Variants in CACNB2 observed in about 807,000 individuals in gnomAD.
CACNB2 encodes voltage-dependent L-type calcium channel subunit beta-2.
CACNB2 carries 42 observed loss-of-function variants against 73.3 expected under a neutral mutation model. That is an observed-to-expected ratio of 0.57 (90% confidence interval 0.45 to 0.74). The LOEUF (loss-of-function observed/expected upper bound fraction) is 0.74, where lower values mean the gene tolerates loss of function less well. Ranked by LOEUF, CACNB2 falls within the 30% of genes least tolerant of loss-of-function variation. CACNB2 has a pLI of 0.00. For synonymous variants in CACNB2, 348 were observed against 310.3 expected (o/e 1.12, Z -1.28); for missense variants, 940 against 853.0 (o/e 1.10, Z -1.27).
At chr10:18,484,397 G>GA (rs57334163) in intron 3 of CACNB2, among the ~76,000 whole-genome samples, 9 of 146,746 alleles carry the variant, frequency 6.1e-5, no homozygotes, top group African/African-American at 1.8e-4. Flanking sequence ...CTGTCTCAAA[G>GA]AAAAAAAAAA....
rs370564617 is a variant in CACNB2 at position 18,534,189 on chromosome 10, G to A, written c.1168G>A (p.Ala390Thr). 23 of 1,613,414 alleles carry A rather than the reference G, an allele frequency of 1.4e-5. No homozygotes were observed. The highest frequency in any genetic ancestry group is 1.6e-5 in the Non-Finnish European group (19 of 1,179,568). Residue 390 changes from alanine to threonine, a missense_variant, in exon 11 of 14, where the codon GCC (alanine) becomes ACC (threonine). Ala to Thr is a moderately conservative substitution (Grantham distance 58, BLOSUM62 0). Transcript: ENST00000324631. ...HPAQLSKTSL[A>T]PIIVYVKISS... ...AGCTCAACTCAGTAAAACCTCCTTGGCCCCTATTATAGTATATGTAAAGAT... is the reference window on the plus strand; with the variant it reads ...AGCTCAACTCAGTAAAACCTCCTTGACCCCTATTATAGTATATGTAAAGAT...
At chr10:18,330,633 C>T (rs2040762213) in intron 2 of CACNB2, among the ~76,000 whole-genome samples, 1 of 152,084 alleles carries the variant, frequency 6.6e-6, no homozygotes, top group African/African-American at 2.4e-5. Flanking sequence ...AGAGCAAGAC[C>T]CTGTCTCCAA....
At chr10:18,266,157 C>T (rs1039319338) in intron 2 of CACNB2, among the ~76,000 whole-genome samples, 4 of 152,130 alleles carry the variant, frequency 2.6e-5, no homozygotes, top group African/African-American at 9.7e-5. Flanking sequence ...CTTTTATGCC[C>T]ACTATTTCAT....
intron 3 of CACNB2, among the ~76,000 whole-genome samples, chr10:18,453,985 C>G (rs995316068): frequency 6.6e-6 from 1 of 152,102 alleles, no homozygotes; most frequent in African/African-American, 2.4e-5. Context: ...TGGAGGCCTG[C>G]GTTTGTGTTT....
chr10:18,527,445 A>G, intron 9 of CACNB2, 143 bp from the exon 10 acceptor site: 2 of 633,066 alleles, frequency 3.2e-6, no homozygotes, highest in Non-Finnish European at 5.7e-6. Context: ...AAAAAAATGA[A>G]TAAGTAAGTA....
intron 2 of CACNB2, among the ~76,000 whole-genome samples, chr10:18,214,033 A>G (rs16916992): frequency 3.3e-5 from 5 of 152,194 alleles, no homozygotes; most frequent in Non-Finnish European, 7.3e-5. Flanking sequence ...GCTACAGAAG[A>G]TTCCCAGTTT....
At chr10:18,492,576 G>A (rs761217949) in intron 3 of CACNB2, among the ~76,000 whole-genome samples, 30 of 127,532 alleles carry the variant, frequency 2.4e-4, no homozygotes, top group Non-Finnish European at 3.7e-4. Flanking sequence ...CGCCAAGATC[G>A]CACCACTTCA....
At chr10:18,538,051 C>G in intron 12 of CACNB2, 129 bp from the exon 13 acceptor site, 1 of 854,398 alleles carries the variant, frequency 1.2e-6, no homozygotes, top group Non-Finnish European at 2.0e-6. Context: ...GAGATAGTAG[C>G]AGCACTTATA....
chr10:18,438,183 A>ATTTT (rs372226267), intron 3 of CACNB2, among the ~76,000 whole-genome samples: 1,234 of 93,912 alleles, frequency 0.013, 40 homozygotes, highest in Middle Eastern at 0.02. Flanking sequence ...ACACCTGGCG[A>ATTTT]TTTTTTTTTT....
chr10:18,281,969 G>C, intron 2 of CACNB2, among the ~76,000 whole-genome samples: 1 of 110,562 alleles, frequency 9.0e-6, no homozygotes, highest in Admixed American at 1.2e-4. Flanking sequence ...GACAGAGTGA[G>C]ACTCCATCTC....
intron 2 of CACNB2, chr10:18,400,933 C>T: frequency 1.9e-6 from 3 of 1,590,836 alleles, no homozygotes; most frequent in South Asian, 1.1e-5. Context: ...TTGCCCAGAG[C>T]ATGGATAGGA....
intron 2 of CACNB2, among the ~76,000 whole-genome samples, chr10:18,177,968 A>T (rs1299176403): frequency 6.6e-6 from 1 of 152,170 alleles, no homozygotes; most frequent in African/African-American, 2.4e-5. Context: ...GGCATATCAT[A>T]TGCATTTTGC....
intron 3 of CACNB2, among the ~76,000 whole-genome samples, chr10:18,429,308 A>G (rs2045760495): frequency 1.3e-5 from 2 of 152,048 alleles, no homozygotes; most frequent in African/African-American, 4.8e-5. Flanking sequence ...AAATCCTTTC[A>G]AGTCTTCTTC....
At chr10:18,534,701 T>A (rs1298405685) in intron 11 of CACNB2, among the ~76,000 whole-genome samples, 1 of 152,212 alleles carries the variant, frequency 6.6e-6, no homozygotes, top group Non-Finnish European at 1.5e-5. Flanking sequence ...GTTTATTACT[T>A]TTATTAAATC....
At chr10:18,248,220 T>A (rs148352373) in intron 2 of CACNB2, among the ~76,000 whole-genome samples, 2 of 152,354 alleles carry the variant, frequency 1.3e-5, no homozygotes, top group East Asian at 3.9e-4. Context: ...AGGACCCAAA[T>A]GAACTGTTCT....
intron 2 of CACNB2, among the ~76,000 whole-genome samples, chr10:18,387,050 A>G (rs2043266265): frequency 6.6e-6 from 1 of 152,192 alleles, no homozygotes; most frequent in Non-Finnish European, 1.5e-5. Flanking sequence ...ATAAACTGAA[A>G]GTACTGAGTT....
rs1198969355 is a variant in CACNB2 at position 18,535,310 on chromosome 10, C to CT, written c.1207-787dup. The stretch of plus-strand genomic sequence containing the variant: ...AGAAGACTATACTAAATTGTTTCTC[C>CT]TTTTCTCAATTACAAATCTGTAGGA... On this transcript the variant is annotated intron_variant, in intron 11 of 13. Transcript: ENST00000324631. 2.0e-5 allele frequency among the ~76,000 whole-genome samples: 3 copies of CT among 152,138 alleles called. No homozygotes were observed. The East Asian group carries it at 5.8e-4, about 29-fold the overall frequency.
At chr10:18,515,178 A>G (rs2051153232) in intron 7 of CACNB2, 1 of 727,116 alleles carries the variant, frequency 1.4e-6, no homozygotes, top group East Asian at 2.7e-5. Context: ...GCCATCCAAG[A>G]TGCTACACAG....
intron 2 of CACNB2, among the ~76,000 whole-genome samples, chr10:18,159,723 A>G (rs1467022089): frequency 6.6e-6 from 1 of 152,212 alleles, no homozygotes; most frequent in Non-Finnish European, 1.5e-5. Context: ...GCAAAGACAG[A>G]TTAAACTGCG....
Sources: gnomAD v4.1 joint callset for allele counts (sites outside exome capture counted in the v4.1 genomes callset) on GRCh38, gnomAD v4.1.1 for gene constraint, MANE v1.5 for transcripts, NCBI Gene and HGNC (gene_info 2026-07-23, HGNC 2026-07-21) for gene names.